TNK2: variants seen among roughly 807,000 people sequenced by gnomAD.
The protein encoded by TNK2 is tyrosine kinase non receptor 2.
Under a neutral mutation model 101.8 loss-of-function variants are expected in TNK2, and 83 were observed. The observed-to-expected ratio is 0.82, with a 90% CI of 0.68 to 0.98. TNK2 has a LOEUF of 0.98. Among genes scored for constraint, TNK2 ranks in the 50% least tolerant of loss-of-function variants. The pLI, the probability that TNK2 is intolerant of heterozygous loss-of-function variation, is 0.00. For missense variants in TNK2, 1,665 were observed against 1,483.2 expected (o/e 1.12, Z -2.01); for synonymous variants, 804 against 633.0 (o/e 1.27, Z -4.06).
intron 6 of TNK2, among the ~76,000 whole-genome samples, chr3:195,880,021 G>C (rs529012263): frequency 1.3e-5 from 2 of 152,258 alleles, no homozygotes; most frequent in African/African-American, 2.4e-5. Context: ...CCAGCTGCTC[G>C]TTAAGATGAC....
chr3:195,867,098 C>T (rs894075517), intron 14 of TNK2, 71 bp downstream of exon 14: 40 of 1,606,552 alleles, frequency 2.5e-5, no homozygotes, highest in Admixed American at 3.3e-5. Context: ...AGCCAGGGGG[C>T]GTGGGGCTGG....
rs1753600557 is a variant in TNK2, at chr3:195,882,461, C to A, written c.610-133G>T. Reference sequence around the variant, plus strand: ...TGCACGCACCTTCCTGGCCTGCTGTCTGGGGACCTCTAGGAGTCCTGCAGT... The same window carrying A: ...TGCACGCACCTTCCTGGCCTGCTGTATGGGGACCTCTAGGAGTCCTGCAGT... On this transcript the variant is annotated intron_variant, in intron 5 of 15. Coordinates refer to ENST00000672887, the MANE Select transcript of TNK2 (RefSeq NM_001382273.1). This position sits in a 1 kb window ranked among gnomAD's most constrained non-coding sequence, Gnocchi z 4.2. The A allele has an allele frequency of 1.3e-6, 2 of 1,548,764 alleles. No individual in the cohort carries two copies.
intron 1 of TNK2, chr3:195,892,289 G>T: frequency 1.9e-6 from 2 of 1,035,132 alleles, no homozygotes; most frequent in Non-Finnish European, 2.7e-6. Flanking sequence ...CGGACTCCCC[G>T]TCAAGCCCTC....
chr3:195,902,838 C>T (rs578160549), intron 1 of TNK2, among the ~76,000 whole-genome samples: 178 of 151,998 alleles, frequency 1.2e-3, no homozygotes, highest in African/African-American at 3.9e-3. Context: ...CAACCTCCAC[C>T]TCCTGGGTTC....
chr3:195,875,763 A>T (rs1200466078), intron 9 of TNK2, among the ~76,000 whole-genome samples: 3 of 151,988 alleles, frequency 2.0e-5, no homozygotes, highest in African/African-American at 7.3e-5. Flanking sequence ...TTCCTGGGGG[A>T]GCAGGAAAAG....
At position 195,870,210 on chromosome 3, in the gene TNK2, G is replaced by C. The variant is rs371250066; in HGVS notation, c.1452-5C>G. 10 of 1,595,970 alleles carry C rather than the reference G, an allele frequency of 6.3e-6. No homozygotes were observed. In the Admixed American group the frequency reaches 1.0e-4, roughly 17 times the overall value. ...ATGGGGTTTCCCAGATACAGTCTGT[G>C]GGGGAGAGAGCTGGGTCAAGAGAGC... On this transcript the variant is annotated splice_polypyrimidine_tract_variant and splice_region_variant and intron_variant, in intron 10 of 15. Coordinates refer to ENST00000672887, the MANE Select transcript of TNK2 (RefSeq NM_001382273.1).
intron 1 of TNK2, among the ~76,000 whole-genome samples, chr3:195,899,132 C>T (rs1040245280): frequency 6.6e-5 from 10 of 152,140 alleles, no homozygotes; most frequent in Non-Finnish European, 1.3e-4. Flanking sequence ...AATGTCTGAG[C>T]TATTTTTTGT....
At chr3:195,892,399 C>A (rs1332438289) in intron 1 of TNK2, 5 of 1,527,260 alleles carry the variant, frequency 3.3e-6, no homozygotes, top group Non-Finnish European at 4.4e-6. Flanking sequence ...CCAGCCCCTG[C>A]CCCCCACTCA....
Position 195,883,519 on chromosome 3 carries a change from C to T in TNK2, c.457-210G>A, listed in dbSNP as rs544881058. 1.1e-4 allele frequency: 62 copies of T among 551,766 alleles called. No homozygotes were observed. The South Asian group carries it at 1.5e-3, about 13-fold the overall frequency. 34.2% of individuals were successfully genotyped at this position (551,766 alleles called of 1,614,324 possible). On this transcript the variant is annotated intron_variant, in intron 4 of 15. Coordinates refer to ENST00000672887, the MANE Select transcript of TNK2 (RefSeq NM_001382273.1). ...ACGGCTGGCCCTCAGGAGCCATCGT[C>T]GGCCACACCTCCCCTTCCTGGGGGA...
At chr3:195,889,971 A>G (rs1049434178) in intron 1 of TNK2, among the ~76,000 whole-genome samples, 6 of 152,146 alleles carry the variant, frequency 3.9e-5, no homozygotes, top group Admixed American at 3.3e-4. Context: ...CAGCACTGAG[A>G]AGCAGGCACA....
In TNK2 at chr3:195,884,944, T is replaced by C. The variant is rs1420565378; in HGVS notation, c.324A>G (p.Pro108=). Residue 108 remains proline (P), a synonymous_variant, in exon 4 of 16, where the codon CCA becomes CCG. Transcript: ENST00000672887. ...GGCTCTGCAGGGGCCCCTCCCCTGC[T>C]GGGCCCCCAGGGGCGGGCGAGGTCT... ...FRKTSPAPGG[P]AGEGPLQSLT... 6.2e-7 allele frequency: 1 copy of C among 1,613,732 alleles called. No individual in the cohort carries two copies. Among genetic ancestry groups the C allele is most frequent in the Admixed American group, 1.7e-5 (1 of 59,984 alleles).
rs1755777107 is a variant in TNK2, at chr3:195,886,756, G to T, written c.234+221C>A. 6.6e-6 allele frequency among the ~76,000 whole-genome samples: 1 copy of T among 152,288 alleles called. No individual in the cohort carries two copies. Among genetic ancestry groups the T allele is most frequent in the South Asian group, 2.1e-4 (1 of 4,818 alleles). ...GCTGTGAAGGCCTCACCGCACACAGGCTGCTCACGTGTCCGTATCTGGCGG... is the reference window on the plus strand; with the variant it reads ...GCTGTGAAGGCCTCACCGCACACAGTCTGCTCACGTGTCCGTATCTGGCGG... On this transcript the variant is annotated intron_variant, in intron 3 of 15. Coordinates refer to ENST00000672887, the MANE Select transcript of TNK2 (RefSeq NM_001382273.1). The surrounding 1 kb of genome is among the most constrained non-coding windows in gnomAD (Gnocchi z 4.2).
At chr3:195,897,317 C>T (rs1577116771) in intron 1 of TNK2, among the ~76,000 whole-genome samples, 1 of 152,174 alleles carries the variant, frequency 6.6e-6, no homozygotes, top group Non-Finnish European at 1.5e-5. Context: ...CTGGCCAGGG[C>T]CCAAGAAAGA....
At chr3:195,884,130 T>C (rs1431401502) in intron 4 of TNK2, 1 of 152,186 alleles carries the variant, frequency 6.6e-6, no homozygotes, top group East Asian at 1.9e-4. Context: ...GGGGAAAATG[T>C]TAAATGCAAC....
chr3:195,898,500 G>A (rs1160591582), intron 1 of TNK2, among the ~76,000 whole-genome samples: 1 of 152,166 alleles, frequency 6.6e-6, no homozygotes, highest in African/African-American at 2.4e-5. Context: ...TGGCTGGCAC[G>A]CACGCCCTCT....
chr3:195,895,648 G>C, intron 1 of TNK2: 2 of 1,266,126 alleles, frequency 1.6e-6, no homozygotes, highest in Non-Finnish European at 2.0e-6. Flanking sequence ...TGCCTTCGCC[G>C]GCCGCGGAAC....
At chr3:195,866,041 T>C (rs185504108) in intron 15 of TNK2, among the ~76,000 whole-genome samples, 2 of 152,360 alleles carry the variant, frequency 1.3e-5, no homozygotes, top group African/African-American at 4.8e-5. Flanking sequence ...GCTCCAGCCA[T>C]GTGACCTCAG....
At chr3:195,900,293 A>G (rs1761070175) in intron 1 of TNK2, among the ~76,000 whole-genome samples, 1 of 151,962 alleles carries the variant, frequency 6.6e-6, no homozygotes. Flanking sequence ...AGGGCAGAGC[A>G]CAGAGGCAGA....
chr3:195,867,274 C>T lies in TNK2; in HGVS notation c.2938-10G>A, dbSNP rs1019193960. The T allele has an allele frequency of 3.1e-6, 5 of 1,608,982 alleles. No individual in the cohort carries two copies. The highest frequency in any genetic ancestry group is 4.2e-6 in the Non-Finnish European group (5 of 1,177,802). On this transcript the variant is annotated splice_polypyrimidine_tract_variant and intron_variant, in intron 13 of 15. Transcript: ENST00000672887. Reference sequence around the variant, plus strand: ...GCACCATGGCCTGCAGCTGGGCACACCCACCCCTGTCAGCACCACTAGGGC... The same window carrying T: ...GCACCATGGCCTGCAGCTGGGCACATCCACCCCTGTCAGCACCACTAGGGC...
Sources: allele counts gnomAD v4.1 joint callset (sites outside exome capture counted in the v4.1 genomes callset), GRCh38; gene constraint gnomAD v4.1.1; non-coding constraint Gnocchi (gnomAD v3.1); transcripts MANE v1.5; gene names NCBI Gene and HGNC (gene_info 2026-07-23, HGNC 2026-07-21).